The following WARS1 variants were observed in gnomAD, a reference collection of about 807,000 sequenced individuals.
The protein encoded by WARS1 is tryptophanyl-tRNA synthetase 1.
WARS1 carries 17 observed loss-of-function variants against 47.8 expected under a neutral mutation model. That is an observed-to-expected ratio of 0.36 (90% CI 0.24 to 0.53). WARS1 has a LOEUF of 0.53. WARS1 is among the 20% of genes least tolerant of loss of function. WARS1 has a pLI of 0.91. For missense variants in WARS1, 434 were observed against 608.0 expected (o/e 0.71, Z 3.01); for synonymous variants, 208 against 228.1 (o/e 0.91, Z 0.79).
intron 6 of WARS1, among the ~76,000 whole-genome samples, chr14:100,351,528 C>T (rs115435723): frequency 0.014 from 2,048 of 149,010 alleles, 24 homozygotes; most frequent in African/African-American, 0.034. Context: ...GAAAATTATG[C>T]TAATGATGAC....
chr14:100,352,112 T>TC (rs965874937), intron 6 of WARS1, among the ~76,000 whole-genome samples: 16 of 126,904 alleles, frequency 1.3e-4, no homozygotes, highest in African/African-American at 3.8e-4. Flanking sequence ...TTCTTTCTTT[T>TC]TTTTTTTTTT....
rs1342172927 is a variant in WARS1 at position 100,339,600 on chromosome 14, A to AAG, written c.1114-2399_1114-2398insCT. On this transcript the variant is annotated intron_variant, in intron 9 of 10. Transcript: ENST00000392882. ...AGTGAGACTCCGTCTCAAAAAAAAA[A>AAG]AAAAAAAAAGGAAAAAAAAAGTTAT... is the stretch of plus-strand genomic sequence containing the variant. Among the ~76,000 whole-genome samples the AAG allele has an allele frequency of 1.1e-4, 16 of 151,586 alleles. No homozygotes were observed. In the East Asian group the frequency reaches 2.7e-3, roughly 26 times the overall value.
chr14:100,354,147 C>A, intron 5 of WARS1: 1 of 508,078 alleles, frequency 2.0e-6, no homozygotes, highest in Non-Finnish European at 3.5e-6. Context: ...TCATTCTCAT[C>A]TTGCAGATGT....
intron 7 of WARS1, among the ~76,000 whole-genome samples, chr14:100,345,297 A>G (rs1157741939): frequency 6.6e-6 from 1 of 151,984 alleles, no homozygotes; most frequent in Non-Finnish European, 1.5e-5. Flanking sequence ...AGAGGTAGAC[A>G]TGGGAGACTT....
intron 10 of WARS1, among the ~76,000 whole-genome samples, chr14:100,336,434 A>G (rs182805537): frequency 3.3e-5 from 5 of 152,228 alleles, no homozygotes; most frequent in East Asian, 1.9e-4. Flanking sequence ...AAAATAGTTC[A>G]TGCCCGCATA....
chr14:100,366,786 T>A, intron 2 of WARS1: 4 of 1,185,492 alleles, frequency 3.4e-6, no homozygotes. Flanking sequence ...TGAAGATACA[T>A]GGGTGGCTTT....
chr14:100,363,437 TG>T (rs1895771921), intron 2 of WARS1, among the ~76,000 whole-genome samples: 1 of 152,122 alleles, frequency 6.6e-6, no homozygotes. Context: ...GGCTCACACC[TG>T]TAATCCCAGC....
intron 6 of WARS1, among the ~76,000 whole-genome samples, chr14:100,352,588 G>T (rs1344404445): frequency 6.6e-6 from 1 of 152,192 alleles, no homozygotes; most frequent in African/African-American, 2.4e-5. Flanking sequence ...AGCCCAGCCT[G>T]GGCTGCAGGA....
chr14:100,354,393 C>G lies in WARS1; in HGVS notation c.542+54G>C, dbSNP rs1895181830. The G allele has an allele frequency of 1.9e-6, 3 of 1,584,786 alleles. No homozygotes were observed. The African/African-American group carries it at 4.1e-5, about 22-fold the overall frequency. ...GTCAGTTCTAAACATGGTTTATAAG[C>G]AACATTCTCAATTCACTAAGAGAGT... On this transcript the variant is annotated intron_variant, in intron 5 of 10. Transcript: ENST00000392882.
chr14:100,360,765 T>A, intron 3 of WARS1, 103 bp from the exon 4 acceptor site: 1 of 828,794 alleles, frequency 1.2e-6, no homozygotes, highest in South Asian at 1.7e-5. Context: ...ACAATCTTAA[T>A]GAACACAAAC....
At chr14:100,338,476 A>G (rs1410371888) in intron 9 of WARS1, among the ~76,000 whole-genome samples, 1 of 152,068 alleles carries the variant, frequency 6.6e-6, no homozygotes, top group Non-Finnish European at 1.5e-5. Context: ...CGTGTAGTCC[A>G]GTCTGGTCTT....
Position 100,369,101 on chromosome 14 carries a change from C to T in WARS1, c.85G>A (p.Gly29Arg). The T allele has an allele frequency of 1.9e-6, 3 of 1,556,682 alleles. No homozygotes were observed. Among genetic ancestry groups the T allele is most frequent in the Non-Finnish European group, 2.6e-6 (3 of 1,141,524 alleles). Residue 29 changes from glycine to arginine, a missense_variant, in exon 2 of 11, where the codon GGA (glycine) becomes AGA (arginine). This residue lies in a region of WARS1 where 87 missense variants were observed against 84.2 expected (regional missense o/e 1.03). Coordinates refer to ENST00000392882, the MANE Select transcript of WARS1 (RefSeq NM_004184.4). ...AAATCATGTACCTTTGACGCATTTC[C>T]CGCTTTGAGGGACCTTACGAGCTCC... The part of the protein sequence containing the change: ...QGELVRSLKA[G>R]NASKDEIDSA...
At chr14:100,362,096 G>A (rs1160903281) in intron 2 of WARS1, among the ~76,000 whole-genome samples, 175 bp from the exon 3 acceptor site, 2 of 152,202 alleles carry the variant, frequency 1.3e-5, no homozygotes, top group African/African-American at 4.8e-5. Flanking sequence ...TCAAGAATCT[G>A]AGACTCAGAG....
intron 8 of WARS1, 26 bp from the exon 9 acceptor site, chr14:100,342,597 G>A (rs757864304): frequency 3.8e-6 from 6 of 1,585,110 alleles, no homozygotes; most frequent in South Asian, 2.3e-5. Context: ...GGACCCTGAT[G>A]AGGGCGGCCA....
In WARS1 at chr14:100,353,742, C is replaced by A; in HGVS notation, c.670G>T (p.Ala224Ser). The change falls in exon 6 of 11, where the codon GCC (alanine) becomes TCC (serine). Residue 224 changes from alanine to serine, a missense_variant. Around this residue, in one of 2 missense-constraint regions of WARS1, gnomAD observed 347 missense variants for 523.8 expected, o/e 0.66. Coordinates refer to ENST00000392882, the MANE Select transcript of WARS1 (RefSeq NM_004184.4). Reference protein sequence around the residue: ...YAVENAKDIIACGFDINKTFI... With the variant: ...YAVENAKDIISCGFDINKTFI... ...GTCTTGTTGATGTCAAAGCCACAGG[C>A]GATGATGTCCTTGGCATTCTCCACA... The A allele has an allele frequency of 1.2e-6, 2 of 1,614,132 alleles. No individual in the cohort carries two copies. The highest frequency in any genetic ancestry group is 8.5e-7 in the Non-Finnish European group (1 of 1,180,030).
chr14:100,359,513 G>A (rs1895528795), intron 4 of WARS1, among the ~76,000 whole-genome samples: 1 of 152,160 alleles, frequency 6.6e-6, no homozygotes, highest in Non-Finnish European at 1.5e-5. Flanking sequence ...GGGAGAAATG[G>A]GGGATGACTG....
In WARS1 at chr14:100,373,506, A is replaced by G. The variant is rs1370768784; in HGVS notation, c.-74+1777T>C. 6.6e-6 allele frequency among the ~76,000 whole-genome samples: 1 copy of G among 152,244 alleles called. No individual in the cohort carries two copies. The highest frequency in any genetic ancestry group is 1.5e-5 in the Non-Finnish European group (1 of 68,052). On this transcript the variant is annotated intron_variant, in intron 1 of 10. Coordinates refer to ENST00000392882, the MANE Select transcript of WARS1 (RefSeq NM_004184.4). The surrounding 1 kb of genome is among the most constrained non-coding windows in gnomAD (Gnocchi z 4.4). ...CGCGTGAAGGCAACAAGGCAGCAGC[A>G]GTAAGGTTTTGAAGTCAATCAAGTA...
chr14:100,339,010 G>A (rs1595403720), intron 9 of WARS1, among the ~76,000 whole-genome samples: 2 of 151,958 alleles, frequency 1.3e-5, no homozygotes, highest in East Asian at 4.0e-4. Context: ...GGAGGTTGAG[G>A]CAGGAGAATC....
At chr14:100,336,642 A>T (rs1381477167) in intron 10 of WARS1, among the ~76,000 whole-genome samples, 2 of 152,194 alleles carry the variant, frequency 1.3e-5, no homozygotes, top group African/African-American at 4.8e-5. Flanking sequence ...TGTACCCAGT[A>T]CCAAACTGCT....
Sources: allele counts gnomAD v4.1 joint callset (sites outside exome capture counted in the v4.1 genomes callset), GRCh38; gene constraint gnomAD v4.1.1; regional missense constraint gnomAD v4.1.1; non-coding constraint Gnocchi (gnomAD v3.1); transcripts MANE v1.5; gene names NCBI Gene and HGNC (gene_info 2026-07-23, HGNC 2026-07-21).